Variants in AUP1 observed in about 807,000 individuals in gnomAD.
AUP1 encodes lipid droplet-regulating VLDL assembly factor AUP1.
A neutral mutation model predicts 51.8 loss-of-function variants in AUP1; 30 were observed. The ratio of observed to expected loss-of-function variants is 0.58; its 90% CI spans 0.43 to 0.79. The LOEUF (loss-of-function observed/expected upper bound fraction) is 0.79, where lower values mean the gene tolerates loss of function less well. Ranked by LOEUF, AUP1 falls within the 30% of genes least tolerant of loss-of-function variation. AUP1 has a pLI of 0.00. For missense variants in AUP1, 492 were observed against 517.1 expected, an observed-to-expected ratio of 0.95 and a Z score of 0.47; for synonymous variants, 227 against 209.0, an observed-to-expected ratio of 1.09 and a Z score of -0.74.
intron 11 of AUP1, 41 bp downstream of exon 11, chr2:74,526,900 C>T (rs1292205326): frequency 6.2e-7 from 1 of 1,608,280 alleles, no homozygotes; most frequent in Non-Finnish European, 8.5e-7. Flanking sequence ...TTCCATTCTC[C>T]AATTTGCCAC....
rs1393023329 is a variant in AUP1, at chr2:74,529,143, T to A, written c.328A>T (p.Thr110Ser). The A allele has an allele frequency of 3.7e-6, 6 of 1,613,868 alleles. No individual in the cohort carries two copies. Among genetic ancestry groups the A allele is most frequent in the African/African-American group, 2.7e-5 (2 of 74,830 alleles). ...TCGCTCTCACTCACGGTGCTACAGGTGGTAAGCAAATTGACTATGTTGTGG... is the reference window on the plus strand; with the variant it reads ...TCGCTCTCACTCACGGTGCTACAGGAGGTAAGCAAATTGACTATGTTGTGG... ...FDHNIVNLLT[T>S]CSTPLLNSPP... The change falls in exon 3 of 12, where the codon ACC (threonine) becomes TCC (serine). Residue 110 changes from threonine (T) to serine (S), a missense_variant. Coordinates refer to ENST00000377526, the MANE Select transcript of AUP1 (RefSeq NM_181575.5).
intron 4 of AUP1, 33 bp from the exon 5 acceptor site, chr2:74,528,522 C>G: frequency 6.3e-7 from 1 of 1,578,052 alleles, no homozygotes; most frequent in Non-Finnish European, 8.7e-7. Flanking sequence ...GGATGGGAAT[C>G]CAGCCAGCCT....
chr2:74,528,393 A>G (rs985685218), intron 5 of AUP1, 24 bp downstream of exon 5: 1 of 1,612,456 alleles, frequency 6.2e-7, no homozygotes, highest in Non-Finnish European at 8.5e-7. Flanking sequence ...AGCCCCAGAG[A>G]TTCCCTGTTC....
chr2:74,528,633 A>G, intron 4 of AUP1, 118 bp downstream of exon 4: 1 of 1,408,710 alleles, frequency 7.1e-7, no homozygotes, highest in Non-Finnish European at 9.8e-7. Context: ...TAAAGTGGAC[A>G]GAAAGGAAAT....
At position 74,527,721 on chromosome 2, in the gene AUP1, A is replaced by G. The variant is rs754293219; in HGVS notation, c.841+15T>C. 2 of 1,612,838 alleles carry G rather than the reference A, an allele frequency of 1.2e-6. No homozygotes were observed. The highest frequency in any genetic ancestry group is 4.5e-5 in the East Asian group (2 of 44,874). ...AAAAAAACCCCAAAAGCTGTAATGT[A>G]TAGAGACCACATACCTGACTGGGGG... On this transcript the variant is annotated intron_variant, in intron 8 of 11. Coordinates refer to ENST00000377526, the MANE Select transcript of AUP1 (RefSeq NM_181575.5).
chr2:74,528,041 A>G (rs746165169), intron 6 of AUP1, 35 bp from the exon 7 acceptor site: 1 of 1,612,618 alleles, frequency 6.2e-7, no homozygotes, highest in Non-Finnish European at 8.5e-7. Flanking sequence ...TGTTGTGGGC[A>G]CCCAGGGTAG....
chr2:74,529,568 C>A lies in AUP1; in HGVS notation c.50+12G>T. ...CACGCGGGGATCGGTCTCTTCCCGC[C>A]GGGTCTCTTACCGGTGCGAGTCAAA... On this transcript the variant is annotated intron_variant, in intron 1 of 11. Coordinates refer to ENST00000377526, the MANE Select transcript of AUP1 (RefSeq NM_181575.5). 1 of 1,558,350 alleles carries A rather than the reference C, an allele frequency of 6.4e-7. No homozygotes were observed. Among genetic ancestry groups the A allele is most frequent in the East Asian group, 2.4e-5 (1 of 42,188 alleles).
At chr2:74,527,702 A>AC (rs1201933871) in intron 8 of AUP1, 34 bp downstream of exon 8, 4 of 1,589,274 alleles carry the variant, frequency 2.5e-6, no homozygotes, top group African/African-American at 2.7e-5. Context: ...AAAAAAAAAA[A>AC]CCCCAAAAGC....
Position 74,527,018 on chromosome 2 carries a change from T to A in AUP1, c.1119A>T (p.Leu373=), listed in dbSNP as rs1675218480. 6.2e-7 allele frequency: 1 copy of A among 1,614,186 alleles called. No homozygotes were observed. Among genetic ancestry groups the A allele is most frequent in the Non-Finnish European group, 8.5e-7 (1 of 1,180,038 alleles). The change falls in exon 11 of 12, where the codon CTA becomes CTT. Residue 373 remains leucine, a synonymous_variant. Coordinates refer to ENST00000377526, the MANE Select transcript of AUP1 (RefSeq NM_181575.5). The part of the protein sequence containing the change: ...SGPVTPQPTA[L]TFAKSSWARQ... ...GGGCCCAGGAAGACTTGGCAAATGT[T>A]AGGGCTGTTGGCTGAGGGGTCACCG...
In AUP1 at chr2:74,529,683, G is replaced by C; in HGVS notation, c.-54C>G. The C allele has an allele frequency of 1.9e-6, 3 of 1,540,708 alleles. No homozygotes were observed. Among genetic ancestry groups the C allele is most frequent in the Non-Finnish European group, 2.6e-6 (3 of 1,146,644 alleles). ...CGCCGCCGCCGCCATTTTCGCGCCC[G>C]GCCGCAGGGGCTCTTGGGAAGGCGG... On this transcript the variant is annotated 5_prime_UTR_variant, in exon 1 of 12. Coordinates refer to ENST00000377526, the MANE Select transcript of AUP1 (RefSeq NM_181575.5).
rs909843369 is a variant in AUP1 at position 74,527,471 on chromosome 2, C to A, written c.961G>T (p.Ala321Ser). ...VPLGVIQRDL[A>S]KTGCVDLTIT... ...AGTGTGGGGCCACCCTTTCCCATAC[C>A]CAGGTCTCTCTGGATGACACCCAAT... Residue 321 changes from alanine (A) to serine (S), a missense_variant and splice_region_variant, in exon 9 of 12, where the codon GCC becomes TCC. Physicochemically the swap from Ala to Ser is moderately conservative, Grantham distance 99 (BLOSUM62 1). Coordinates refer to ENST00000377526, the MANE Select transcript of AUP1 (RefSeq NM_181575.5). The A allele has an allele frequency of 1.2e-6, 2 of 1,612,292 alleles. No homozygotes were observed. The highest frequency in any genetic ancestry group is 1.1e-5 in the South Asian group (1 of 90,902).
chr2:74,526,907 C>G (rs1421046275), intron 11 of AUP1, 34 bp downstream of exon 11: 29 of 1,609,212 alleles, frequency 1.8e-5, no homozygotes, highest in Non-Finnish European at 2.5e-5. Flanking sequence ...CTCCAATTTG[C>G]CACATCCTAT....
chr2:74,526,850 G>T lies in AUP1; in HGVS notation c.1197-14C>A. The stretch of plus-strand genomic sequence containing the variant: ...TCTGTGAATCTCCTGTGGGACATAG[G>T]GAGAGATATTATTCAGGCTTTGCCG... On this transcript the variant is annotated splice_polypyrimidine_tract_variant and intron_variant, in intron 11 of 11. Transcript: ENST00000377526. The T allele has an allele frequency of 6.3e-7, 1 of 1,581,324 alleles. No homozygotes were observed. The highest frequency in any genetic ancestry group is 8.6e-7 in the Non-Finnish European group (1 of 1,160,788).
rs1260544984 is a variant in AUP1 at position 74,528,504 on chromosome 2, A to G, written c.525-15T>C. On this transcript the variant is annotated splice_polypyrimidine_tract_variant and intron_variant, in intron 4 of 11. Coordinates refer to ENST00000377526, the MANE Select transcript of AUP1 (RefSeq NM_181575.5). ...ATGGCCAGGAACTAGAAGAGGAAGG[A>G]GAAAGTAGGATGGGAATCCAGCCAG... is the stretch of plus-strand genomic sequence containing the variant. 1.2e-6 allele frequency: 2 copies of G among 1,607,106 alleles called. No homozygotes were observed. Among genetic ancestry groups the G allele is most frequent in the Non-Finnish European group, 8.5e-7 (1 of 1,174,224 alleles).
At position 74,527,508 on chromosome 2, in the gene AUP1, C is replaced by A; in HGVS notation, c.924G>T (p.Leu308Phe). 6.2e-7 allele frequency: 1 copy of A among 1,613,840 alleles called. No homozygotes were observed. Among genetic ancestry groups the A allele is most frequent in the Non-Finnish European group, 8.5e-7 (1 of 1,179,928 alleles). Residue 308 changes from leucine to phenylalanine, a missense_variant, in exon 9 of 12, where the codon TTG (leucine) becomes TTT (phenylalanine). Transcript: ENST00000377526. ...ATLAQRVKEV[L>F]PHVPLGVIQR... ...GGATGACACCCAATGGCACATGGGGCAAAACTTCCTTGACTCTCTGAGCCA... is the reference window on the plus strand; with the variant it reads ...GGATGACACCCAATGGCACATGGGGAAAAACTTCCTTGACTCTCTGAGCCA...
rs369044275 is a variant in AUP1, at chr2:74,527,794, T to C, written c.783A>G (p.Pro261=). The stretch of plus-strand genomic sequence containing the variant: ...GCTTCATGTGCTCTGCTTTGTCAGC[T>C]GGAGTGAGCCGTGTCCCTGTCTGGC... ...ELGQTGTRLT[P]ADKAEHMKRQ... Residue 261 remains proline, a synonymous_variant, in exon 8 of 12, where the codon CCA becomes CCG. Coordinates refer to ENST00000377526, the MANE Select transcript of AUP1 (RefSeq NM_181575.5). 3.1e-5 allele frequency: 50 copies of C among 1,613,966 alleles called. No individual in the cohort carries two copies. The highest frequency in any genetic ancestry group is 4.1e-5 in the Non-Finnish European group (48 of 1,180,016).
At chr2:74,529,010 G>C in intron 3 of AUP1, 75 bp from the exon 4 acceptor site, 1 of 1,603,962 alleles carries the variant, frequency 6.2e-7, no homozygotes, top group Non-Finnish European at 8.5e-7. Context: ...ATGTTGGGTA[G>C]AGGATCGGGG....
chr2:74,528,578 T>C, intron 4 of AUP1, 89 bp from the exon 5 acceptor site: 10 of 1,410,312 alleles, frequency 7.1e-6, no homozygotes, highest in Non-Finnish European at 1.0e-5. Flanking sequence ...TGTCAAACTC[T>C]ACAAGCACAT....
chr2:74,526,847 T>C lies in AUP1; in HGVS notation c.1197-11A>G, dbSNP rs372443240. 32 of 1,578,238 alleles carry C rather than the reference T, an allele frequency of 2.0e-5. No individual in the cohort carries two copies. Among genetic ancestry groups the C allele is most frequent in the African/African-American group, 2.7e-5 (2 of 74,434 alleles). The stretch of plus-strand genomic sequence containing the variant: ...CTCTCTGTGAATCTCCTGTGGGACA[T>C]AGGGAGAGATATTATTCAGGCTTTG... On this transcript the variant is annotated splice_polypyrimidine_tract_variant and intron_variant, in intron 11 of 11. Transcript: ENST00000377526.
Sources: gnomAD v4.1 joint callset for allele counts on GRCh38, gnomAD v4.1.1 for gene constraint, MANE v1.5 for transcripts, NCBI Gene and HGNC (gene_info 2026-07-23, HGNC 2026-07-21) for gene names.